MYO7A: variants seen among roughly 807,000 people sequenced by gnomAD.
MYO7A encodes the protein unconventional myosin-VIIa.
Under a neutral mutation model 263.8 loss-of-function variants are expected in MYO7A, and 210 were observed. That is an observed-to-expected ratio of 0.80 (90% confidence interval 0.71 to 0.89). The LOEUF (loss-of-function observed/expected upper bound fraction) is 0.89, where lower values mean the gene tolerates loss of function less well. MYO7A is among the 40% of genes least tolerant of loss of function. The probability of loss-of-function intolerance (pLI) is 0.00; values close to 1 mark genes in which losing one functional copy is unlikely to be tolerated. For synonymous variants in MYO7A, 1,239 were observed against 1,197.3 expected, an observed-to-expected ratio of 1.03 and a Z score of -0.72; for missense variants, 2,820 against 2,968.3, an observed-to-expected ratio of 0.95 and a Z score of 1.16.
chr11:77,149,189 T>C (rs12291318), intron 4 of MYO7A, among the ~76,000 whole-genome samples: 75,169 of 151,824 alleles, frequency 0.5, 20,553 homozygotes, highest in African/African-American at 0.74. Flanking sequence ...AGCCCAAGGG[T>C]AAAGGAAACC....
At position 77,214,812 on chromosome 11, in the gene MYO7A, C is replaced by T; in HGVS notation, c.*116C>T. On this transcript the variant is annotated 3_prime_UTR_variant, in exon 49 of 49. Coordinates refer to ENST00000409709, the MANE Select transcript of MYO7A (RefSeq NM_000260.4). ...ATGCCATCCCGGCAGCGAGGCTGGG[C>T]TGGCCAGCCACCACTGACTATACCA... 1 of 852,230 alleles carries T rather than the reference C, an allele frequency of 1.2e-6. No homozygotes were observed. The highest frequency in any genetic ancestry group is 1.8e-6 in the Non-Finnish European group (1 of 544,812). 52.8% of individuals were successfully genotyped at this position (852,230 alleles called of 1,614,324 possible).
chr11:77,201,382 C>T (rs1957050040), intron 35 of MYO7A, 66 bp from the exon 36 acceptor site: 1 of 1,494,824 alleles, frequency 6.7e-7, no homozygotes, highest in South Asian at 1.2e-5. Context: ...CTCAGTTCTT[C>T]TGTGGGAAGA....
Position 77,158,354 on chromosome 11 carries a change from G to A in MYO7A, c.927G>A (p.Met309Ile), listed in dbSNP as rs1952689243. 3.1e-6 allele frequency: 5 copies of A among 1,613,474 alleles called. No individual in the cohort carries two copies. Among genetic ancestry groups the A allele is most frequent in the Non-Finnish European group, 4.2e-6 (5 of 1,179,784 alleles). Reference sequence around the variant, plus strand: ...TCCGCTCCGCCATGAAGGTGCTCATGTTCACTGACACCGAGAACTGGGAGA... The same window carrying A: ...TCCGCTCCGCCATGAAGGTGCTCATATTCACTGACACCGAGAACTGGGAGA... ...ANIRSAMKVL[M>I]FTDTENWEIS... The change falls in exon 9 of 49, where the codon ATG becomes ATA. Residue 309 changes from methionine to isoleucine, a missense_variant. Transcript: ENST00000409709.
intron 27 of MYO7A, 94 bp downstream of exon 27, chr11:77,184,809 GCC>G: frequency 6.4e-7 from 1 of 1,552,452 alleles, no homozygotes; most frequent in Non-Finnish European, 8.7e-7. Context: ...AGCCAAGCAG[GCC>G]TGGGTTTGGC....
chr11:77,207,419 C>A lies in MYO7A; in HGVS notation c.5856+17C>A. ...GCAGACAAGGTGGGTCCTTTGCCAC[C>A]TTCGCCAAGGTGGGAGATTTGCTGG... On this transcript the variant is annotated intron_variant, in intron 42 of 48. Transcript: ENST00000409709. 1 of 1,547,960 alleles carries A rather than the reference C, an allele frequency of 6.5e-7. No individual in the cohort carries two copies. Among genetic ancestry groups the A allele is most frequent in the Non-Finnish European group, 8.8e-7 (1 of 1,130,246 alleles).
chr11:77,208,423 A>AGGTCATCAGCTTCGATGGCCCTGT lies in MYO7A; in HGVS notation c.5857-7_5857-6insGGTCATCAGCTTCGATGGCCCTGT, dbSNP rs1565482479. On this transcript the variant is annotated splice_region_variant and splice_polypyrimidine_tract_variant and intron_variant, in intron 42 of 48. Transcript: ENST00000409709. ...AACTGAGTGTGCTTCGATGGCCCTG[A>AGGTCATCAGCTTCGATGGCCCTGT]CCCCAGGTCCTCAGCGTTCCTGAGA... is the stretch of plus-strand genomic sequence containing the variant. The AGGTCATCAGCTTCGATGGCCCTGT allele has an allele frequency of 3.7e-6, 6 of 1,604,080 alleles. No homozygotes were observed. The highest frequency in any genetic ancestry group is 1.7e-6 in the Non-Finnish European group (2 of 1,172,236).
chr11:77,160,983 G>T lies in MYO7A; in HGVS notation c.1211G>T (p.Gly404Val). Reference protein sequence around the residue: ...VRDAFVKGIYGRLFVWIVDKI... With the variant: ...VRDAFVKGIYVRLFVWIVDKI... ...ATCACTGCCTTTCAGGGGATCTACGGGCGGCTGTTCGTGTGGATTGTGGAC... is the reference window on the plus strand; with the variant it reads ...ATCACTGCCTTTCAGGGGATCTACGTGCGGCTGTTCGTGTGGATTGTGGAC... Residue 404 changes from glycine (G) to valine (V), a missense_variant, in exon 12 of 49, where the codon GGG becomes GTG. Coordinates refer to ENST00000409709, the MANE Select transcript of MYO7A (RefSeq NM_000260.4). 1 of 1,604,576 alleles carries T rather than the reference G, an allele frequency of 6.2e-7. No individual in the cohort carries two copies. The highest frequency in any genetic ancestry group is 8.5e-7 in the Non-Finnish European group (1 of 1,176,012).
intron 2 of MYO7A, among the ~76,000 whole-genome samples, chr11:77,131,159 T>C (rs1222813738): frequency 6.6e-6 from 1 of 152,124 alleles, no homozygotes; most frequent in Non-Finnish European, 1.5e-5. Context: ...AGGGCCACAG[T>C]GGCCTCTGAC....
chr11:77,147,925 T>TCCGCTA lies in MYO7A; in HGVS notation c.264_269dup (p.Tyr89_Arg90dup). The TCCGCTA allele has an allele frequency of 6.4e-7, 1 of 1,561,906 alleles. No homozygotes were observed. Among genetic ancestry groups the TCCGCTA allele is most frequent in the Non-Finnish European group, 8.7e-7 (1 of 1,154,144 alleles). ...GCGGGCATCTTGCGCAACCTGCTTA[T>TCCGCTA]CCGCTACCGGGACCACCTCATCTAC... On this transcript the variant is annotated inframe_insertion, in exon 4 of 49. Transcript: ENST00000409709.
At chr11:77,168,627 T>A (rs962066086) in intron 15 of MYO7A, among the ~76,000 whole-genome samples, 1 of 152,058 alleles carries the variant, frequency 6.6e-6, no homozygotes, top group Non-Finnish European at 1.5e-5. Flanking sequence ...AGACCCTGTG[T>A]CTACAAAAAA....
chr11:77,181,787 T>G (rs1224879161), intron 23 of MYO7A, among the ~76,000 whole-genome samples, 164 bp from the exon 24 acceptor site: 25 of 131,292 alleles, frequency 1.9e-4, no homozygotes, highest in East Asian at 5.3e-4. Flanking sequence ...TTGTTTTTTT[T>G]TTTTTTTTTT....
chr11:77,147,730 C>G (rs939784959), intron 3 of MYO7A, 68 bp from the exon 4 acceptor site: 3 of 1,576,778 alleles, frequency 1.9e-6, no homozygotes, highest in Non-Finnish European at 2.6e-6. Context: ...CCGCCCGTCC[C>G]GGCCCCTTCC....
intron 3 of MYO7A, among the ~76,000 whole-genome samples, chr11:77,143,160 T>C (rs1423925895): frequency 3.3e-5 from 5 of 152,204 alleles, no homozygotes; most frequent in African/African-American, 1.2e-4. Context: ...ATTCAAATCC[T>C]ATCTCGTCCA....
At chr11:77,150,434 T>A (rs1429669258) in intron 4 of MYO7A, among the ~76,000 whole-genome samples, 1 of 152,206 alleles carries the variant, frequency 6.6e-6, no homozygotes, top group Non-Finnish European at 1.5e-5. Context: ...GGTGGTGAAC[T>A]GATCCCTGGG....
At chr11:77,137,046 C>G (rs1950929194) in intron 2 of MYO7A, among the ~76,000 whole-genome samples, 1 of 152,220 alleles carries the variant, frequency 6.6e-6, no homozygotes, top group African/African-American at 2.4e-5. Flanking sequence ...TGGAAGCTCA[C>G]CACCAGCACT....
intron 14 of MYO7A, among the ~76,000 whole-genome samples, chr11:77,163,777 A>G (rs1197415807): frequency 2.0e-5 from 3 of 152,042 alleles, no homozygotes; most frequent in East Asian, 3.9e-4. Flanking sequence ...ATGGCTGAAT[A>G]GTATTTCGTT....
intron 22 of MYO7A, among the ~76,000 whole-genome samples, chr11:77,181,108 A>T (rs1591376795): frequency 6.6e-6 from 1 of 152,102 alleles, no homozygotes; most frequent in African/African-American, 2.4e-5. Context: ...TGGCCGTGGG[A>T]TGTCTGGGTT....
chr11:77,184,767 A>G, intron 27 of MYO7A, 52 bp downstream of exon 27: 1 of 1,579,656 alleles, frequency 6.3e-7, no homozygotes, highest in East Asian at 2.3e-5. Flanking sequence ...TTGGTGGCTG[A>G]GTGGTGCCTC....
intron 24 of MYO7A, 107 bp from the exon 25 acceptor site, chr11:77,182,314 TGAC>T: frequency 1.4e-6 from 2 of 1,450,072 alleles, no homozygotes; most frequent in Admixed American, 2.2e-5. Context: ...GCCTGAGGGC[TGAC>T]CATGCGGGAG....
Sources: allele counts gnomAD v4.1 joint callset (sites outside exome capture counted in the v4.1 genomes callset), GRCh38; gene constraint gnomAD v4.1.1; transcripts MANE v1.5; gene names NCBI Gene and HGNC (gene_info 2026-07-23, HGNC 2026-07-21).